The following PDE2A variants were observed in gnomAD, a reference collection of about 807,000 sequenced individuals.
PDE2A encodes the protein phosphodiesterase 2A.
Under a neutral mutation model 133.6 loss-of-function variants are expected in PDE2A, and 53 were observed. That is an observed-to-expected ratio of 0.40 (90% CI 0.32 to 0.50). The LOEUF (loss-of-function observed/expected upper bound fraction) is 0.50, where lower values mean the gene tolerates loss of function less well. Among genes scored for constraint, PDE2A ranks in the 20% least tolerant of loss-of-function variants. The pLI, the probability that PDE2A is intolerant of heterozygous loss-of-function variation, is 0.73. For missense variants in PDE2A, 796 were observed against 1,232.4 expected, an observed-to-expected ratio of 0.65 and a Z score of 5.30; for synonymous variants, 491 against 490.2, an observed-to-expected ratio of 1.00 and a Z score of -0.02.
Position 72,674,372 on chromosome 11 carries a change from C to T in PDE2A, c.-165G>A, listed in dbSNP as rs796109317. The T allele has an allele frequency of 6.4e-5, 39 of 611,214 alleles. No homozygotes were observed. The highest frequency in any genetic ancestry group is 5.2e-4 in the African/African-American group (28 of 53,782). The allele number at this position is 611,214 out of a possible 1,614,324, so 37.9% of individuals were successfully genotyped here. A position where few individuals can be genotyped will look rare whatever the true frequency, so the allele number is the denominator to read the frequency against. On this transcript the variant is annotated 5_prime_UTR_variant, in exon 1 of 31. Transcript: ENST00000334456. Reference sequence around the variant, plus strand: ...ACACCCCAATCCAGCTCTGCTGCCCCGCTGCTCCCGCCTCTCCCGCTGCCA... The same window carrying T: ...ACACCCCAATCCAGCTCTGCTGCCCTGCTGCTCCCGCCTCTCCCGCTGCCA...
chr11:72,593,774 A>C (rs929004178), intron 6 of PDE2A, among the ~76,000 whole-genome samples: 6 of 152,186 alleles, frequency 3.9e-5, no homozygotes, highest in Non-Finnish European at 8.8e-5. Context: ...ACAGCCCTGC[A>C]CCTGGCCAGC....
chr11:72,593,179 G>T (rs1856326940), intron 6 of PDE2A, among the ~76,000 whole-genome samples: 2 of 75,634 alleles, frequency 2.6e-5, no homozygotes, highest in Non-Finnish European at 4.7e-5. Flanking sequence ...CATGGAGGTG[G>T]TACACACACA....
chr11:72,601,671 A>C (rs1856757380), intron 4 of PDE2A, among the ~76,000 whole-genome samples: 1 of 152,130 alleles, frequency 6.6e-6, no homozygotes, highest in Admixed American at 6.5e-5. Flanking sequence ...AGCAGGAGAC[A>C]CAAGAAGAGG....
intron 16 of PDE2A, 190 bp from the exon 17 acceptor site, chr11:72,585,134 G>A: frequency 1.6e-6 from 1 of 631,224 alleles, no homozygotes; most frequent in Non-Finnish European, 2.7e-6. Flanking sequence ...TTTTTTGGAA[G>A]CACCTACTAT....
intron 2 of PDE2A, among the ~76,000 whole-genome samples, chr11:72,617,933 A>G (rs1219621967): frequency 6.6e-6 from 1 of 152,104 alleles, no homozygotes; most frequent in East Asian, 1.9e-4. Context: ...CAATCTTCTG[A>G]GTGGGGTCCG....
intron 1 of PDE2A, among the ~76,000 whole-genome samples, chr11:72,651,544 T>G (rs535567663): frequency 7.9e-5 from 12 of 152,150 alleles, no homozygotes; most frequent in Admixed American, 2.6e-4. Flanking sequence ...CTGTGTCACC[T>G]TAGACAAGTG....
rs1036244253 is a variant in PDE2A, at chr11:72,581,358, C to T, written c.2044G>A (p.Glu682Lys). 9 of 1,612,992 alleles carry T rather than the reference C, an allele frequency of 5.6e-6. No individual in the cohort carries two copies. Among genetic ancestry groups the T allele is most frequent in the Admixed American group, 3.3e-5 (2 of 59,964 alleles). ...TGTGGGGGAGATGCAGCCACTCACT[C>T]GAGGTAGTTGGTGAGCTCCAGGTTC... is the stretch of plus-strand genomic sequence containing the variant. ...YKNLELTNYL[E>K]DIEIFALFIS... Residue 682 changes from glutamate (E) to lysine (K), a missense_variant and splice_region_variant, in exon 23 of 31, where the codon GAG becomes AAG. Around this residue, in one of 7 missense-constraint regions of PDE2A, gnomAD observed 218 missense variants for 465.9 expected, o/e 0.47. Coordinates refer to ENST00000334456, the MANE Select transcript of PDE2A (RefSeq NM_002599.5).
chr11:72,605,229 A>G lies in PDE2A; in HGVS notation c.235-3T>C. 1 of 1,596,552 alleles carries G rather than the reference A, an allele frequency of 6.3e-7. No individual in the cohort carries two copies. The highest frequency in any genetic ancestry group is 8.6e-7 in the Non-Finnish European group (1 of 1,168,540). On this transcript the variant is annotated splice_polypyrimidine_tract_variant and splice_region_variant and intron_variant, in intron 3 of 30. Coordinates refer to ENST00000334456, the MANE Select transcript of PDE2A (RefSeq NM_002599.5). The stretch of plus-strand genomic sequence containing the variant: ...AGTAGGTAGGTGTAGACAGTTTCCT[A>G]GGACAGAAGGCACTTATGAGACCCT...
intron 1 of PDE2A, among the ~76,000 whole-genome samples, chr11:72,671,492 C>T (rs1007936387): frequency 6.6e-5 from 10 of 152,042 alleles, no homozygotes; most frequent in Non-Finnish European, 1.0e-4. Flanking sequence ...TTCCCCCCAC[C>T]CCCGCCCCCA....
intron 3 of PDE2A, among the ~76,000 whole-genome samples, chr11:72,607,082 C>T (rs1463333048): frequency 6.6e-6 from 1 of 152,176 alleles, no homozygotes; most frequent in Non-Finnish European, 1.5e-5. Context: ...TCCCTTACCT[C>T]ACTGGGGGCT....
At chr11:72,609,857 A>G (rs1348497199) in intron 2 of PDE2A, among the ~76,000 whole-genome samples, 1 of 151,974 alleles carries the variant, frequency 6.6e-6, no homozygotes, top group Non-Finnish European at 1.5e-5. Flanking sequence ...TATGAGGTTG[A>G]GGGTCTTAAA....
chr11:72,612,755 C>G (rs1387463549), intron 2 of PDE2A, among the ~76,000 whole-genome samples: 1 of 151,880 alleles, frequency 6.6e-6, no homozygotes, highest in South Asian at 2.1e-4. Context: ...ATAGATGGAG[C>G]CTTTCTGCTC....
chr11:72,649,987 G>A (rs1854680955), intron 1 of PDE2A, among the ~76,000 whole-genome samples: 1 of 151,306 alleles, frequency 6.6e-6, no homozygotes, highest in Non-Finnish European at 1.5e-5. Flanking sequence ...CCGTCCTCAG[G>A]AACCTGGAGC....
At chr11:72,627,121 A>G (rs1303220168) in intron 2 of PDE2A, among the ~76,000 whole-genome samples, 1 of 152,144 alleles carries the variant, frequency 6.6e-6, no homozygotes, top group Non-Finnish European at 1.5e-5. Flanking sequence ...CCTTCTTGGA[A>G]CTACTCCAGC....
rs183906154 is a variant in PDE2A, at chr11:72,596,962, G to A, written c.434-314C>T. On this transcript the variant is annotated intron_variant, in intron 5 of 30. Transcript: ENST00000334456. Reference sequence around the variant, plus strand: ...AGATTGGGAAACTGAGGTCTAGAAAGGGGAAGTGACTTGCCCAAGATCACA... The same window carrying A: ...AGATTGGGAAACTGAGGTCTAGAAAAGGGAAGTGACTTGCCCAAGATCACA... Among the ~76,000 whole-genome samples the A allele has an allele frequency of 3.3e-3, 500 of 152,252 alleles. 2 individuals are homozygous for A. The highest frequency in any genetic ancestry group is 5.4e-3 in the Non-Finnish European group (367 of 68,024).
At position 72,577,313 on chromosome 11, in the gene PDE2A, C is replaced by G; in HGVS notation, c.*71G>C. 1 of 1,223,544 alleles carries G rather than the reference C, an allele frequency of 8.2e-7. No homozygotes were observed. Among genetic ancestry groups the G allele is most frequent in the Non-Finnish European group, 1.2e-6 (1 of 850,936 alleles). 75.8% of individuals were successfully genotyped at this position (1,223,544 alleles called of 1,614,324 possible). A position where few individuals can be genotyped will look rare whatever the true frequency, so the allele number is the denominator to read the frequency against. ...GGACCCAGGACCCGTGGCTCTGTTC[C>G]CAGTGCATCTGGCCAGACCAGTGGA... On this transcript the variant is annotated 3_prime_UTR_variant, in exon 31 of 31. Transcript: ENST00000334456.
chr11:72,639,935 G>T (rs1243645907), intron 2 of PDE2A, among the ~76,000 whole-genome samples: 4 of 151,752 alleles, frequency 2.6e-5, no homozygotes, highest in Non-Finnish European at 5.9e-5. Flanking sequence ...TATTCCACAC[G>T]CCCCAAATGT....
At chr11:72,615,790 G>A (rs1422436692) in intron 2 of PDE2A, among the ~76,000 whole-genome samples, 1 of 152,200 alleles carries the variant, frequency 6.6e-6, no homozygotes, top group Non-Finnish European at 1.5e-5. Flanking sequence ...GGCCCACGAG[G>A]CAGCTCGCGG....
At chr11:72,664,344 T>C (rs901895980) in intron 1 of PDE2A, among the ~76,000 whole-genome samples, 1 of 148,006 alleles carries the variant, frequency 6.8e-6, no homozygotes, top group Non-Finnish European at 1.5e-5. Context: ...CTCTACAAAA[T>C]AGGGCTAGCC....
Sources: gnomAD v4.1 joint callset for allele counts (sites outside exome capture counted in the v4.1 genomes callset) on GRCh38, gnomAD v4.1.1 for gene constraint, gnomAD v4.1.1 regional missense constraint, MANE v1.5 for transcripts, NCBI Gene and HGNC (gene_info 2026-07-23, HGNC 2026-07-21) for gene names.